The following JMY variants were observed in gnomAD, a reference collection of about 807,000 sequenced individuals.
JMY encodes junction mediating and regulatory protein, p53 cofactor.
JMY carries 46 observed loss-of-function variants against 103.3 expected under a neutral mutation model. The ratio of observed to expected loss-of-function variants is 0.45; its 90% CI spans 0.35 to 0.57. The LOEUF is 0.57. JMY is among the 20% of genes least tolerant of loss of function. JMY has a pLI of 0.00. For missense variants in JMY, 1,238 were observed against 1,255.2 expected (o/e 0.99, Z 0.21); for synonymous variants, 526 against 489.3 (o/e 1.07, Z -0.99).
At chr5:79,284,859 T>G in intron 2 of JMY, 1 of 1,571,990 alleles carries the variant, frequency 6.4e-7, no homozygotes, top group Non-Finnish European at 8.6e-7. Flanking sequence ...GATCAACCAC[T>G]TTCTTCTTGG....
At chr5:79,301,389 C>T (rs1438496275) in intron 6 of JMY, among the ~76,000 whole-genome samples, 2 of 152,182 alleles carry the variant, frequency 1.3e-5, no homozygotes, top group Non-Finnish European at 2.9e-5. Flanking sequence ...CTGGAACTAG[C>T]TCTCCAACCT....
At chr5:79,284,675 T>C (rs1046576994) in intron 2 of JMY, 22 of 1,586,032 alleles carry the variant, frequency 1.4e-5, no homozygotes, top group Non-Finnish European at 1.8e-5. Context: ...TTGAATTTTC[T>C]AAGTGCAACT....
intron 2 of JMY, among the ~76,000 whole-genome samples, chr5:79,285,798 C>G (rs1188086572): frequency 6.6e-6 from 1 of 152,132 alleles, no homozygotes; most frequent in Non-Finnish European, 1.5e-5. Context: ...ATGGTACATT[C>G]ACAGATTTAT....
At chr5:79,270,700 T>C in intron 1 of JMY, among the ~76,000 whole-genome samples, 1 of 130,146 alleles carries the variant, frequency 7.7e-6, no homozygotes, top group East Asian at 2.3e-4. Flanking sequence ...TATATTTATA[T>C]ATTATATATT....
intron 9 of JMY, 44 bp downstream of exon 9, chr5:79,314,895 G>A: frequency 6.7e-7 from 1 of 1,485,086 alleles, no homozygotes. Context: ...TATGACATCA[G>A]GCATAGTAAA....
At chr5:79,262,946 G>A (rs1745468615) in intron 1 of JMY, among the ~76,000 whole-genome samples, 1 of 152,124 alleles carries the variant, frequency 6.6e-6, no homozygotes, top group Admixed American at 6.5e-5. Context: ...TTTTTGTGTT[G>A]GCAGAAAATA....
intron 6 of JMY, among the ~76,000 whole-genome samples, chr5:79,301,956 G>A (rs10052358): frequency 0.65 from 99,303 of 151,614 alleles, 33,010 homozygotes; most frequent in African/African-American, 0.78. Flanking sequence ...GGTGGCACGC[G>A]CCTGTAATCC....
chr5:79,248,675 T>C (rs1406581038), intron 1 of JMY, among the ~76,000 whole-genome samples: 1 of 152,192 alleles, frequency 6.6e-6, no homozygotes, highest in Non-Finnish European at 1.5e-5. Context: ...AAAAGTTTCT[T>C]ACTAACAATT....
At chr5:79,292,460 C>G (rs1017973360) in intron 4 of JMY, among the ~76,000 whole-genome samples, 3 of 151,942 alleles carry the variant, frequency 2.0e-5, no homozygotes, top group Non-Finnish European at 2.9e-5. Context: ...CACGCACCCC[C>G]CCCAACACCT....
chr5:79,289,624 C>T (rs917048544), intron 2 of JMY, among the ~76,000 whole-genome samples: 2 of 152,156 alleles, frequency 1.3e-5, no homozygotes, highest in Non-Finnish European at 1.5e-5. Context: ...TTTCAGCTAT[C>T]TGAGCCACCG....
At chr5:79,247,776 C>T (rs1440426461) in intron 1 of JMY, among the ~76,000 whole-genome samples, 1 of 151,930 alleles carries the variant, frequency 6.6e-6, no homozygotes, top group Admixed American at 6.6e-5. Flanking sequence ...CCTCAGCCTC[C>T]CAAGTAGCTG....
chr5:79,316,311 G>GT lies in JMY; in HGVS notation c.*3+2dup. ...TTGCACAGACTGGGAGAACTAACAAGTAAACGGCCTTATTGTCTTTAGTAG... is the reference window on the plus strand; with the variant it reads ...TTGCACAGACTGGGAGAACTAACAAGTTAAACGGCCTTATTGTCTTTAGTAG... On this transcript the variant is annotated splice_donor_variant, in intron 10 of 10. Coordinates refer to ENST00000396137, the MANE Select transcript of JMY (RefSeq NM_152405.5). LOFTEE classifies it low-confidence loss of function (3UTR_SPLICE). 2 of 1,599,606 alleles carry GT rather than the reference G, an allele frequency of 1.3e-6. No homozygotes were observed. The highest frequency in any genetic ancestry group is 8.5e-7 in the Non-Finnish European group (1 of 1,172,186).
chr5:79,253,413 C>A (rs1745148014), intron 1 of JMY, among the ~76,000 whole-genome samples: 1 of 152,010 alleles, frequency 6.6e-6, no homozygotes, highest in South Asian at 2.1e-4. Flanking sequence ...CTGCCTCAGC[C>A]TCCTGAGTAG....
In JMY at chr5:79,327,109, A is replaced by AATC. The variant is rs1191129233; in HGVS notation, c.*5509_*5511dup. The AATC allele has an allele frequency of 6.6e-6, 1 of 152,208 alleles. No homozygotes were observed. The highest frequency in any genetic ancestry group is 1.5e-5 in the Non-Finnish European group (1 of 68,042). 9.4% of individuals were successfully genotyped at this position (152,208 alleles called of 1,614,324 possible). On this transcript the variant is annotated 3_prime_UTR_variant, in exon 11 of 11. Transcript: ENST00000396137. ...TAAGTACTTGTACACCAAGTATTGC[A>AATC]ATCACCTTTCTCTTGTTGTACATGC...
At chr5:79,290,298 T>G in intron 3 of JMY, 27 bp downstream of exon 3, 1 of 1,435,426 alleles carries the variant, frequency 7.0e-7, no homozygotes, top group South Asian at 1.6e-5. Flanking sequence ...ATTTATCCTT[T>G]AGGTATTTTT....
Position 79,284,813 on chromosome 5 carries a change from G to C in JMY, c.1207-5308G>C. On this transcript the variant is annotated intron_variant, in intron 2 of 10. Transcript: ENST00000396137. ...ATATTTCTTATATTGAACATAGCAG[G>C]TGCTTTCACATCATACCAATCTTTC... 3 of 1,577,420 alleles carry C rather than the reference G, an allele frequency of 1.9e-6. No individual in the cohort carries two copies. In the South Asian group the frequency reaches 3.3e-5, roughly 17 times the overall value.
At chr5:79,312,566 C>T in intron 8 of JMY, 68 bp downstream of exon 8, 1 of 737,632 alleles carries the variant, frequency 1.4e-6, no homozygotes, top group Non-Finnish European at 2.1e-6. Flanking sequence ...TACATATACA[C>T]CTGTAGGATT....
At chr5:79,262,929 C>T (rs1580338722) in intron 1 of JMY, among the ~76,000 whole-genome samples, 1 of 152,164 alleles carries the variant, frequency 6.6e-6, no homozygotes, top group Non-Finnish European at 1.5e-5. Flanking sequence ...CATATAATGA[C>T]TTGATGTTTT....
chr5:79,299,358 G>A (rs180800879), intron 4 of JMY, among the ~76,000 whole-genome samples: 141 of 151,706 alleles, frequency 9.3e-4, no homozygotes, highest in East Asian at 2.1e-3. Flanking sequence ...GCCTTTTTCC[G>A]TACAGCCAAA....
Sources: gnomAD v4.1 joint callset for allele counts (sites outside exome capture counted in the v4.1 genomes callset) on GRCh38, gnomAD v4.1.1 for gene constraint, MANE v1.5 for transcripts, NCBI Gene and HGNC (gene_info 2026-07-23, HGNC 2026-07-21) for gene names.